Variants in WDFY3 observed in about 807,000 individuals in gnomAD.
WDFY3 encodes WD repeat and FYVE domain containing 3, also known as WD repeat and FYVE domain-containing protein 3.
Under a neutral mutation model 409.6 loss-of-function variants are expected in WDFY3, and 66 were observed. The observed-to-expected ratio is 0.16, with a 90% CI of 0.13 to 0.20. WDFY3 has a LOEUF of 0.20. Ranked by LOEUF, WDFY3 falls within the 10% of genes least tolerant of loss-of-function variation. The pLI is 1.00. For synonymous variants in WDFY3, 1,521 were observed against 1,537.1 expected (o/e 0.99, Z 0.25); for missense variants, 3,031 against 4,298.1 (o/e 0.71, Z 8.24).
chr4:84,789,063 G>A (rs569084861), intron 22 of WDFY3, among the ~76,000 whole-genome samples: 1 of 152,140 alleles, frequency 6.6e-6, no homozygotes, highest in African/African-American at 2.4e-5. Context: ...AAAATAAAAT[G>A]AATACTATCT....
At chr4:84,724,281 T>A (rs1735300369) in intron 46 of WDFY3, 145 bp downstream of exon 46, 1 of 881,192 alleles carries the variant, frequency 1.1e-6, no homozygotes, top group Admixed American at 3.3e-5. Flanking sequence ...AAGAAATCAA[T>A]CTTTAAGAAG....
chr4:84,873,781 T>TA (rs1178761588), intron 3 of WDFY3, among the ~76,000 whole-genome samples: 4 of 151,448 alleles, frequency 2.6e-5, no homozygotes, highest in East Asian at 4.0e-4. Context: ...GTGTTTTTTT[T>TA]TTGTTTGTTT....
Position 84,697,397 on chromosome 4 carries a change from G to A in WDFY3, c.8597-574C>T, listed in dbSNP as rs187869868. ...TTTAAAAAGCAAAATCTGAAATGAC[G>A]TAACTTTTTGCTGTTATTGCATCAT... On this transcript the variant is annotated intron_variant, in intron 56 of 67. Transcript: ENST00000295888. Among the ~76,000 whole-genome samples, 20 of 152,172 alleles carry A rather than the reference G, an allele frequency of 1.3e-4. No individual in the cohort carries two copies. The East Asian group carries it at 1.9e-3, about 15-fold the overall frequency.
chr4:84,720,934 G>A (rs1328520181), intron 47 of WDFY3, among the ~76,000 whole-genome samples: 2 of 152,202 alleles, frequency 1.3e-5, no homozygotes, highest in Non-Finnish European at 2.9e-5. Context: ...GAGGTCAGCA[G>A]GGTATTGGAG....
chr4:84,853,166 C>A (rs1375379477), intron 4 of WDFY3, among the ~76,000 whole-genome samples: 1 of 152,012 alleles, frequency 6.6e-6, no homozygotes, highest in Non-Finnish European at 1.5e-5. Flanking sequence ...GAGTACATAG[C>A]CTTTTGTTAT....
intron 1 of WDFY3, among the ~76,000 whole-genome samples, chr4:84,937,294 T>G (rs1771543689): frequency 1.3e-5 from 2 of 152,154 alleles, no homozygotes; most frequent in Non-Finnish European, 2.9e-5. Flanking sequence ...TTTCTTTTAT[T>G]GGCTTCCAGA....
At chr4:84,763,944 T>C (rs1314933996) in intron 32 of WDFY3, among the ~76,000 whole-genome samples, 1 of 152,068 alleles carries the variant, frequency 6.6e-6, no homozygotes, top group South Asian at 2.1e-4. Context: ...TCTTAGAGAG[T>C]ATTACTGCCT....
intron 25 of WDFY3, among the ~76,000 whole-genome samples, chr4:84,781,532 T>C (rs1746521633): frequency 1.3e-5 from 2 of 151,912 alleles, no homozygotes; most frequent in Non-Finnish European, 2.9e-5. Flanking sequence ...TTACATGGTG[T>C]GAACCACCAT....
rs1161637700 is a variant in WDFY3 at position 84,941,083 on chromosome 4, ATGCTT to A, written c.-225-8725_-225-8721del. Among the ~76,000 whole-genome samples the A allele has an allele frequency of 7.9e-5, 12 of 152,160 alleles. No homozygotes were observed. The East Asian group carries it at 2.3e-3, about 29-fold the overall frequency. ...ATCATGTTTAATGAAGAAAGACTGA[ATGCTT>A]TCTCTTTTTAACATATACTAGAAAT... On this transcript the variant is annotated intron_variant, in intron 1 of 67. Coordinates refer to ENST00000295888, the MANE Select transcript of WDFY3 (RefSeq NM_014991.6).
chr4:84,887,090 G>A (rs1764338502), intron 3 of WDFY3, among the ~76,000 whole-genome samples: 1 of 152,164 alleles, frequency 6.6e-6, no homozygotes, highest in Non-Finnish European at 1.5e-5. Context: ...TTTACACCAT[G>A]TGCCAGGAAA....
At chr4:84,812,070 T>C (rs1752584819) in intron 13 of WDFY3, among the ~76,000 whole-genome samples, 2 of 152,240 alleles carry the variant, frequency 1.3e-5, no homozygotes, top group Admixed American at 6.5e-5. Context: ...CCTGTATTAA[T>C]ATATTAGTCA....
At chr4:84,930,685 T>C (rs1418609881) in intron 2 of WDFY3, among the ~76,000 whole-genome samples, 1 of 152,200 alleles carries the variant, frequency 6.6e-6, no homozygotes, top group African/African-American at 2.4e-5. Context: ...TATTGCACTG[T>C]ACCATTTTAT....
chr4:84,808,476 T>A, intron 14 of WDFY3, 59 bp from the exon 15 acceptor site: 1 of 1,469,598 alleles, frequency 6.8e-7, no homozygotes, highest in Admixed American at 1.8e-5. Context: ...GAACACCAGG[T>A]TGGCAGTTGG....
intron 50 of WDFY3, among the ~76,000 whole-genome samples, 159 bp from the exon 51 acceptor site, chr4:84,713,398 C>T (rs1733275967): frequency 1.3e-5 from 2 of 152,276 alleles, no homozygotes; most frequent in South Asian, 2.1e-4. Context: ...TTTTGGACTT[C>T]TCTAAAGAGG....
At chr4:84,809,594 A>G (rs947860864) in intron 14 of WDFY3, 1 of 265,956 alleles carries the variant, frequency 3.8e-6, no homozygotes, top group Admixed American at 4.9e-5. Flanking sequence ...AAAGAAAAAA[A>G]ACAACAGTAA....
At chr4:84,918,467 A>C (rs1768803797) in intron 2 of WDFY3, among the ~76,000 whole-genome samples, 2 of 152,176 alleles carry the variant, frequency 1.3e-5, no homozygotes, top group South Asian at 2.1e-4. Context: ...TGTTGGAAAA[A>C]AGGAGAAATA....
intron 27 of WDFY3, among the ~76,000 whole-genome samples, chr4:84,777,817 G>C (rs1745806664): frequency 6.6e-6 from 1 of 151,862 alleles, no homozygotes; most frequent in Non-Finnish European, 1.5e-5. Flanking sequence ...AGTTTCACAG[G>C]GATATATTAC....
In WDFY3 at chr4:84,713,143, G is replaced by C. The variant is rs753764098; in HGVS notation, c.8042+16C>G. 7 of 1,612,756 alleles carry C rather than the reference G, an allele frequency of 4.3e-6. No individual in the cohort carries two copies. The highest frequency in any genetic ancestry group is 5.9e-6 in the Non-Finnish European group (7 of 1,178,870). On this transcript the variant is annotated intron_variant, in intron 51 of 67. Coordinates refer to ENST00000295888, the MANE Select transcript of WDFY3 (RefSeq NM_014991.6). ...TTCACTATTAAACTGTAACATGCAAGGAACAAACCACCTACCCCTGCTCCA... is the reference window on the plus strand; with the variant it reads ...TTCACTATTAAACTGTAACATGCAACGAACAAACCACCTACCCCTGCTCCA...
chr4:84,690,690 A>G, intron 60 of WDFY3, 26 bp from the exon 61 acceptor site: 3 of 1,594,118 alleles, frequency 1.9e-6, no homozygotes, highest in Non-Finnish European at 2.6e-6. Context: ...GATGTGAGAC[A>G]CACATGCCGT....
Sources: allele counts gnomAD v4.1 joint callset (sites outside exome capture counted in the v4.1 genomes callset), GRCh38; gene constraint gnomAD v4.1.1; transcripts MANE v1.5; gene names NCBI Gene and HGNC (gene_info 2026-07-23, HGNC 2026-07-21).